Variants in MYDGF observed in about 807,000 individuals in gnomAD.
The protein encoded by MYDGF is myeloid-derived growth factor.
A neutral mutation model predicts 24.2 loss-of-function variants in MYDGF; 29 were observed. The ratio of observed to expected loss-of-function variants is 1.20; its 90% CI spans 0.89 to 1.63. The LOEUF (loss-of-function observed/expected upper bound fraction) is 1.63, where lower values mean the gene tolerates loss of function less well. Among genes scored for constraint, MYDGF ranks in the 40% most tolerant of loss-of-function variants. MYDGF has a pLI of 0.00. For missense variants in MYDGF, 245 were observed against 234.8 expected, an observed-to-expected ratio of 1.04 and a Z score of -0.29; for synonymous variants, 105 against 102.5, an observed-to-expected ratio of 1.02 and a Z score of -0.15.
chr19:4,670,229 T>C lies in MYDGF; in HGVS notation c.106A>G (p.Thr36Ala), dbSNP rs1425430454. The C allele has an allele frequency of 1.3e-6, 2 of 1,571,922 alleles. No homozygotes were observed. The highest frequency in any genetic ancestry group is 2.3e-5 in the South Asian group (2 of 86,512). Reference sequence around the variant, plus strand: ...GGCCGCACGTCAAACGCCACCGTCGTGGGCTCGGACACCGCCTCCGCCGGC... The same window carrying C: ...GGCCGCACGTCAAACGCCACCGTCGCGGGCTCGGACACCGCCTCCGCCGGC... ...LRPAEAVSEP[T>A]TVAFDVRPGG... Residue 36 changes from threonine (T) to alanine (A), a missense_variant, in exon 1 of 6, where the codon ACG (threonine) becomes GCG (alanine). Physicochemically the swap from Thr to Ala is moderately conservative, Grantham distance 58 (BLOSUM62 0). Coordinates refer to ENST00000262947, the MANE Select transcript of MYDGF (RefSeq NM_019107.4).
intron 2 of MYDGF, among the ~76,000 whole-genome samples, chr19:4,665,326 G>A (rs578108695): frequency 2.0e-5 from 3 of 152,114 alleles, no homozygotes; most frequent in South Asian, 2.1e-4. Context: ...GGGCTCAAGC[G>A]ATCCTCCCAC....
chr19:4,664,518 A>T (rs1285036555), intron 3 of MYDGF, among the ~76,000 whole-genome samples: 1 of 151,402 alleles, frequency 6.6e-6, no homozygotes. Context: ...ATTGCCAAAA[A>T]GCCCTTTGGT....
intron 2 of MYDGF, among the ~76,000 whole-genome samples, chr19:4,668,024 T>A (rs187660868): frequency 2.6e-5 from 4 of 152,238 alleles, no homozygotes; most frequent in African/African-American, 9.6e-5. Context: ...GTCTCCTGGG[T>A]TCAAGTGATT....
At chr19:4,663,776 CCACCCCA>C (rs2088498914) in intron 3 of MYDGF, among the ~76,000 whole-genome samples, 4 of 111,498 alleles carry the variant, frequency 3.6e-5, no homozygotes, top group Non-Finnish European at 7.2e-5. Context: ...CCCTCCCCAC[CCACCCCA>C]TCCTCATTCT....
intron 4 of MYDGF, 55 bp from the exon 5 acceptor site, chr19:4,660,058 G>A: frequency 6.7e-7 from 1 of 1,490,192 alleles, no homozygotes; most frequent in Non-Finnish European, 9.3e-7. Context: ...TCATCATTAG[G>A]AAAACGATTG....
At chr19:4,664,489 CA>C (rs397958176) in intron 3 of MYDGF, among the ~76,000 whole-genome samples, 2,744 of 87,870 alleles carry the variant, frequency 0.031, 67 homozygotes, top group African/African-American at 0.099. Flanking sequence ...GACTCCATCT[CA>C]AAAAAAAAAA....
chr19:4,660,937 A>T (rs1172162497), intron 3 of MYDGF, among the ~76,000 whole-genome samples, 187 bp from the exon 4 acceptor site: 1 of 149,750 alleles, frequency 6.7e-6, no homozygotes, highest in African/African-American at 2.5e-5. Flanking sequence ...CCCTCTCAAC[A>T]GCAGACCCTC....
chr19:4,659,728 C>A, intron 5 of MYDGF: 2 of 596,782 alleles, frequency 3.4e-6, no homozygotes, highest in Non-Finnish European at 6.0e-6. Flanking sequence ...CAGCTTTGTG[C>A]CACAATGGCA....
chr19:4,658,057 G>A lies in MYDGF; in HGVS notation c.470C>T (p.Ala157Val). 1 of 1,611,766 alleles carries A rather than the reference G, an allele frequency of 6.2e-7. No homozygotes were observed. The change falls in exon 6 of 6, where the codon GCT becomes GTT. Residue 157 changes from alanine to valine, a missense_variant. Transcript: ENST00000262947. ...AVAHRPGAFK[A>V]ELSKLVIVAK... Reference sequence around the variant, plus strand: ...CACAATCACCAGCTTGGACAGCTCAGCTTTGAATGCCCCGGGCCTGTGAGC... The same window carrying A: ...CACAATCACCAGCTTGGACAGCTCAACTTTGAATGCCCCGGGCCTGTGAGC...
chr19:4,669,710 A>G (rs1599841310), intron 1 of MYDGF, among the ~76,000 whole-genome samples: 2 of 152,148 alleles, frequency 1.3e-5, no homozygotes, highest in South Asian at 2.1e-4. Flanking sequence ...CCGGCCTCAC[A>G]CCCTCGGTGA....
intron 1 of MYDGF, 67 bp downstream of exon 1, chr19:4,670,094 C>T: frequency 1.4e-6 from 2 of 1,397,006 alleles, no homozygotes; most frequent in Non-Finnish European, 1.9e-6. Context: ...GGCCCCGCCC[C>T]CAATGCTCCG....
At chr19:4,659,891 G>C (rs747625737) in intron 5 of MYDGF, 40 bp downstream of exon 5, 1 of 1,587,396 alleles carries the variant, frequency 6.3e-7, no homozygotes, top group South Asian at 1.1e-5. Context: ...CCCTTGGATG[G>C]GGGTGGCGTC....
chr19:4,664,145 G>C (rs980039563), intron 3 of MYDGF, among the ~76,000 whole-genome samples: 1 of 152,026 alleles, frequency 6.6e-6, no homozygotes, highest in Non-Finnish European at 1.5e-5. Flanking sequence ...AGAGACAGGA[G>C]GGGGATGCGT....
chr19:4,657,798 TG>T lies in MYDGF; in HGVS notation c.*206del. 2.2e-6 allele frequency: 1 copy of T among 446,514 alleles called. No homozygotes were observed. Among genetic ancestry groups the T allele is most frequent in the East Asian group, 3.4e-5 (1 of 29,640 alleles). 27.7% of individuals were successfully genotyped at this position (446,514 alleles called of 1,614,324 possible). A position where few individuals can be genotyped will look rare whatever the true frequency, so the allele number is the denominator to read the frequency against. On this transcript the variant is annotated 3_prime_UTR_variant, in exon 6 of 6. Coordinates refer to ENST00000262947, the MANE Select transcript of MYDGF (RefSeq NM_019107.4). ...CAGGAAGTGGGAACTGAGAAGCTGTTGGGAGCCAGGAGGGCCCTGGACCCTC... is the reference window on the plus strand; with the variant it reads ...CAGGAAGTGGGAACTGAGAAGCTGTTGGAGCCAGGAGGGCCCTGGACCCTC...
intron 5 of MYDGF, 72 bp from the exon 6 acceptor site, chr19:4,658,156 G>A (rs1051433103): frequency 1.5e-6 from 2 of 1,374,734 alleles, no homozygotes; most frequent in South Asian, 2.5e-5. Flanking sequence ...TTTGGGGTGG[G>A]GCCCATGGTG....
chr19:4,660,828 C>A, intron 3 of MYDGF, 78 bp from the exon 4 acceptor site: 2 of 1,274,840 alleles, frequency 1.6e-6, no homozygotes, highest in Non-Finnish European at 2.2e-6. Flanking sequence ...GGAGCCCCGC[C>A]AGGGACTCGG....
At chr19:4,659,856 CT>C in intron 5 of MYDGF, 74 bp downstream of exon 5, 1 of 1,376,828 alleles carries the variant, frequency 7.3e-7, no homozygotes, top group Non-Finnish European at 1.0e-6. Flanking sequence ...GCTGACCCCC[CT>C]CTCCAAACTG....
At position 4,665,795 on chromosome 19, in the gene MYDGF, T is replaced by C. The variant is rs535757532; in HGVS notation, c.226-858A>G. ...GAGATCGCGCCACTGCACTCCAGCCTGGGCGACAGAGCGAGACTCTGTCTC... is the reference window on the plus strand; with the variant it reads ...GAGATCGCGCCACTGCACTCCAGCCCGGGCGACAGAGCGAGACTCTGTCTC... On this transcript the variant is annotated intron_variant, in intron 2 of 5. Coordinates refer to ENST00000262947, the MANE Select transcript of MYDGF (RefSeq NM_019107.4). Among the ~76,000 whole-genome samples, 354 of 115,844 alleles carry C rather than the reference T, an allele frequency of 3.1e-3. 2 individuals carry two copies. Among genetic ancestry groups the C allele is most frequent in the African/African-American group, 0.01 (321 of 31,704 alleles). The allele number at this position is 115,844 out of a possible 152,430, so 76.0% of individuals were successfully genotyped here.
intron 4 of MYDGF, 143 bp downstream of exon 4, chr19:4,660,526 G>A (rs1029130495): frequency 6.8e-6 from 5 of 732,170 alleles, no homozygotes. Flanking sequence ...CCAGGTTCCT[G>A]CAAGTTACAC....
Sources: allele counts gnomAD v4.1 joint callset (sites outside exome capture counted in the v4.1 genomes callset), GRCh38; gene constraint gnomAD v4.1.1; transcripts MANE v1.5; gene names NCBI Gene and HGNC (gene_info 2026-07-23, HGNC 2026-07-21).